NOL4L: variants seen among roughly 807,000 people sequenced by gnomAD.
NOL4L encodes nucleolar protein 4-like.
NOL4L carries 7 observed loss-of-function variants against 64.5 expected under a neutral mutation model. The ratio of observed to expected loss-of-function variants is 0.11; its 90% CI spans 0.06 to 0.20. The LOEUF (loss-of-function observed/expected upper bound fraction) is 0.20. Among genes scored for constraint, NOL4L ranks in the 10% least tolerant of loss-of-function variants. The probability of loss-of-function intolerance (pLI) is 1.00; values close to 1 mark genes in which losing one functional copy is unlikely to be tolerated. For synonymous variants in NOL4L, 413 were observed against 401.0 expected (o/e 1.03, Z -0.36); for missense variants, 680 against 967.1 (o/e 0.70, Z 3.94).
In NOL4L at chr20:32,584,690, G is replaced by GCCGCTGCCCGCGCCAGTC. The variant is rs1980780647; in HGVS notation, c.183_200dup (p.Thr62_Gly67dup). 3 of 1,548,172 alleles carry GCCGCTGCCCGCGCCAGTC rather than the reference G, an allele frequency of 1.9e-6. No homozygotes were observed. The highest frequency in any genetic ancestry group is 3.9e-5 in the Admixed American group (2 of 50,766). Reference sequence around the variant, plus strand: ...ACTTGCCTTTCTCGCCGGCTGCGGGGCCGCTGCCCGCGCCAGTCCCGCCGC... The same window carrying GCCGCTGCCCGCGCCAGTC: ...ACTTGCCTTTCTCGCCGGCTGCGGGGCCGCTGCCCGCGCCAGTCCCGCTGCCCGCGCCAGTCCCGCCGC... On this transcript the variant is annotated inframe_insertion, in exon 1 of 11. Coordinates refer to ENST00000621426, the MANE Select transcript of NOL4L (RefSeq NM_001256798.2).
chr20:32,483,562 GGCGGCA>G (rs2015887161), intron 4 of NOL4L: 2 of 973,856 alleles, frequency 2.1e-6, no homozygotes, highest in Non-Finnish European at 2.4e-6. Context: ...GGCGAGCAGC[GGCGGCA>G]GCGGCGGCGG....
intron 5 of NOL4L, among the ~76,000 whole-genome samples, chr20:32,473,859 G>A (rs2015199508): frequency 1.3e-5 from 2 of 152,174 alleles, no homozygotes; most frequent in African/African-American, 2.4e-5. Context: ...AAACAAAGGC[G>A]ATGCTGGGGT....
At chr20:32,541,659 A>G (rs1456168958) in intron 1 of NOL4L, among the ~76,000 whole-genome samples, 1 of 152,208 alleles carries the variant, frequency 6.6e-6, no homozygotes, top group Non-Finnish European at 1.5e-5. Context: ...GGCCCCCACA[A>G]ACTGGCCTTT....
At chr20:32,578,975 A>G (rs997149397) in intron 1 of NOL4L, among the ~76,000 whole-genome samples, 23 of 152,180 alleles carry the variant, frequency 1.5e-4, no homozygotes, top group African/African-American at 5.5e-4. Flanking sequence ...GGACGGGGGT[A>G]TGGCACCACC....
intron 4 of NOL4L, among the ~76,000 whole-genome samples, chr20:32,501,144 A>G (rs2016908276): frequency 6.6e-6 from 1 of 152,222 alleles, no homozygotes; most frequent in Non-Finnish European, 1.5e-5. Context: ...ACCAGGTGTG[A>G]TCAAGGCCAA....
At chr20:32,546,707 T>A (rs1190178493) in intron 1 of NOL4L, among the ~76,000 whole-genome samples, 1 of 152,158 alleles carries the variant, frequency 6.6e-6, no homozygotes, top group African/African-American at 2.4e-5. Flanking sequence ...GTGCTGGGAT[T>A]ACAGGTGTGA....
rs572180893 is a variant in NOL4L, at chr20:32,549,231, C to A, written c.322-21318G>T. Among the ~76,000 whole-genome samples, 28 of 152,184 alleles carry A rather than the reference C, an allele frequency of 1.8e-4. No homozygotes were observed. In the East Asian group the frequency reaches 5.2e-3, roughly 28 times the overall value. ...CATGTATCTGATAAGGGACTTGTAT[C>A]TAGAATACAGAAAAGATTCTTAAAA... is the stretch of plus-strand genomic sequence containing the variant. On this transcript the variant is annotated intron_variant, in intron 1 of 10. Transcript: ENST00000621426.
In NOL4L at chr20:32,460,288, G is replaced by A. The variant is rs779608221; in HGVS notation, c.842-3893C>T. Among the ~76,000 whole-genome samples, 11 of 152,116 alleles carry A rather than the reference G, an allele frequency of 7.2e-5. No individual in the cohort carries two copies. The highest frequency in any genetic ancestry group is 1.5e-4 in the Non-Finnish European group (10 of 68,024). Reference sequence around the variant, plus strand: ...TGCCATTATCTCATTTTCTCATGCCGCACACACAGAGCCTACTCAGAGGGA... The same window carrying A: ...TGCCATTATCTCATTTTCTCATGCCACACACACAGAGCCTACTCAGAGGGA... On this transcript the variant is annotated intron_variant, in intron 5 of 10. Transcript: ENST00000621426. This position sits in a 1 kb window ranked among gnomAD's most constrained non-coding sequence, Gnocchi z 5.7.
At chr20:32,528,502 C>T (rs1205216146) in intron 1 of NOL4L, among the ~76,000 whole-genome samples, 1 of 152,186 alleles carries the variant, frequency 6.6e-6, no homozygotes, top group Non-Finnish European at 1.5e-5. Context: ...ATAACAGGCA[C>T]GAGGCCACGA....
At chr20:32,478,134 G>A (rs1334424845) in intron 4 of NOL4L, among the ~76,000 whole-genome samples, 1 of 151,968 alleles carries the variant, frequency 6.6e-6, no homozygotes, top group East Asian at 1.9e-4. Context: ...CCGCACCATG[G>A]GCCACCTCAC....
chr20:32,494,112 G>C (rs2016571711), intron 4 of NOL4L, among the ~76,000 whole-genome samples: 1 of 151,934 alleles, frequency 6.6e-6, no homozygotes, highest in African/African-American at 2.4e-5. Context: ...AATTAGCTGG[G>C]TGTGGTGGCA....
At chr20:32,584,422 A>C in intron 1 of NOL4L, 148 bp downstream of exon 1, 1 of 569,520 alleles carries the variant, frequency 1.8e-6, no homozygotes, top group Non-Finnish European at 2.6e-6. Context: ...GCCGGTGAGC[A>C]GGGACGCGTG....
intron 4 of NOL4L, among the ~76,000 whole-genome samples, chr20:32,488,711 T>C (rs1311863688): frequency 6.6e-6 from 1 of 152,126 alleles, no homozygotes; most frequent in African/African-American, 2.4e-5. Flanking sequence ...ACGGGGCACT[T>C]GTATTTCTTT....
At chr20:32,482,267 G>C (rs749585776) in intron 4 of NOL4L, among the ~76,000 whole-genome samples, 3 of 152,124 alleles carry the variant, frequency 2.0e-5, no homozygotes, top group Non-Finnish European at 4.4e-5. Flanking sequence ...GGAGAGGGGA[G>C]GGAGTAGGGA....
At chr20:32,458,562 C>T (rs770712865) in intron 5 of NOL4L, among the ~76,000 whole-genome samples, 14 of 152,230 alleles carry the variant, frequency 9.2e-5, no homozygotes, top group Non-Finnish European at 1.9e-4. Context: ...AGGGATGACA[C>T]CCATACTGGC....
At chr20:32,487,039 C>T (rs915361113) in intron 4 of NOL4L, among the ~76,000 whole-genome samples, 12 of 152,210 alleles carry the variant, frequency 7.9e-5, no homozygotes, top group African/African-American at 2.2e-4. Flanking sequence ...GAGGCCGAGG[C>T]GGGTGGATCA....
intron 4 of NOL4L, chr20:32,509,793 C>T: frequency 7.7e-7 from 1 of 1,302,482 alleles, no homozygotes; most frequent in South Asian, 1.2e-5. Context: ...TAGTGGTGAC[C>T]TGGATTTAGT....
At chr20:32,512,184 G>A (rs1050453860) in intron 3 of NOL4L, among the ~76,000 whole-genome samples, 14 of 152,088 alleles carry the variant, frequency 9.2e-5, no homozygotes, top group African/African-American at 3.4e-4. Flanking sequence ...AGGGTGTGTG[G>A]CTCCCATTTT....
In NOL4L at chr20:32,585,204, G is replaced by A. The variant is rs548909296; in HGVS notation, c.-314C>T. 1 of 149,304 alleles carries A rather than the reference G, an allele frequency of 6.7e-6. No individual in the cohort carries two copies. The highest frequency in any genetic ancestry group is 1.5e-5 in the Non-Finnish European group (1 of 66,488). The allele number at this position is 149,304 out of a possible 1,614,324, so 9.2% of individuals were successfully genotyped here. A position where few individuals can be genotyped will look rare whatever the true frequency, so the allele number is the denominator to read the frequency against. On this transcript the variant is annotated 5_prime_UTR_variant, in exon 1 of 11. Transcript: ENST00000621426. Reference sequence around the variant, plus strand: ...CAGCTCCGGGCCCGGAGGTGCAGAGGGGGCGGGCCGCCCCGCGGGCGGCCG... The same window carrying A: ...CAGCTCCGGGCCCGGAGGTGCAGAGAGGGCGGGCCGCCCCGCGGGCGGCCG...
Sources: allele counts gnomAD v4.1 joint callset (sites outside exome capture counted in the v4.1 genomes callset), GRCh38; gene constraint gnomAD v4.1.1; non-coding constraint Gnocchi (gnomAD v3.1); transcripts MANE v1.5; gene names NCBI Gene and HGNC (gene_info 2026-07-23, HGNC 2026-07-21).